Variants in ASTN2 observed in about 807,000 individuals in gnomAD.
ASTN2 encodes the protein astrotactin-2.
ASTN2 carries 54 observed loss-of-function variants against 139.8 expected under a neutral mutation model. That is an observed-to-expected ratio of 0.39 (90% CI 0.31 to 0.48). The LOEUF is 0.48. Ranked by LOEUF, ASTN2 falls within the 20% of genes least tolerant of loss-of-function variation. ASTN2 has a pLI of 0.95. For synonymous variants in ASTN2, 756 were observed against 719.5 expected (o/e 1.05, Z -0.81); for missense variants, 1,565 against 1,725.1 (o/e 0.91, Z 1.64).
intron 19 of ASTN2, among the ~76,000 whole-genome samples, chr9:116,505,033 A>G (rs142049887): frequency 1.8e-3 from 272 of 152,158 alleles, no homozygotes; most frequent in African/African-American, 6.3e-3. Context: ...AAATTGCGCA[A>G]CTGAGATTTG....
Position 116,707,285 on chromosome 9 carries a change from C to CAAAAAAA in ASTN2, c.2806+18479_2806+18485dup, listed in dbSNP as rs766053427. Among the ~76,000 whole-genome samples the CAAAAAAA allele has an allele frequency of 2.0e-4, 12 of 60,626 alleles. 2 individuals are homozygous for CAAAAAAA. Among genetic ancestry groups the CAAAAAAA allele is most frequent in the African/African-American group, 3.2e-4 (5 of 15,688 alleles). The allele number at this position is 60,626 out of a possible 152,430, so 39.8% of individuals were successfully genotyped here. The stretch of plus-strand genomic sequence containing the variant: ...GCCCTATGCCACTATGCCCCCTGAC[C>CAAAAAAA]AAAAAAAAAAAAAAAAAAAAAAAAA... On this transcript the variant is annotated intron_variant, in intron 16 of 22. Transcript: ENST00000313400.
At chr9:116,724,531 G>A (rs1397454235) in intron 16 of ASTN2, among the ~76,000 whole-genome samples, 2 of 152,204 alleles carry the variant, frequency 1.3e-5, no homozygotes, top group African/African-American at 4.8e-5. Context: ...TAGACAGGAG[G>A]TGTAGAGCAC....
intron 11 of ASTN2, among the ~76,000 whole-genome samples, chr9:116,848,022 T>C (rs1832491517): frequency 6.6e-6 from 1 of 152,148 alleles, no homozygotes; most frequent in Non-Finnish European, 1.5e-5. Context: ...CTCTCTCTGT[T>C]CCCAAGGCAG....
In ASTN2 at chr9:116,699,252, G is replaced by C; in HGVS notation, c.2806+26519C>G. On this transcript the variant is annotated intron_variant, in intron 16 of 22. Coordinates refer to ENST00000313400, the MANE Select transcript of ASTN2 (RefSeq NM_001365068.1). This position sits in a 1 kb window ranked among gnomAD's most constrained non-coding sequence, Gnocchi z 4.2. ...TTTCACAGTTGATCGAGGATCAGGG[G>C]TGGTCAAATACAGCTGCCTATGTAG... is the stretch of plus-strand genomic sequence containing the variant. 8 of 1,614,246 alleles carry C rather than the reference G, an allele frequency of 5.0e-6. No individual in the cohort carries two copies. The highest frequency in any genetic ancestry group is 6.8e-6 in the Non-Finnish European group (8 of 1,180,056).
intron 10 of ASTN2, among the ~76,000 whole-genome samples, chr9:116,963,044 C>T (rs548559417): frequency 6.6e-6 from 1 of 152,292 alleles, no homozygotes; most frequent in East Asian, 1.9e-4. Context: ...ACTCCAGGAA[C>T]ACATAGACTA....
intron 10 of ASTN2, among the ~76,000 whole-genome samples, chr9:116,866,007 C>T (rs568847600): frequency 1.2e-4 from 18 of 152,240 alleles, no homozygotes; most frequent in African/African-American, 3.6e-4. Context: ...TTTATGTTAC[C>T]GCCTTTGTGA....
At chr9:117,323,674 T>G (rs1237075848) in intron 1 of ASTN2, among the ~76,000 whole-genome samples, 1 of 152,202 alleles carries the variant, frequency 6.6e-6, no homozygotes, top group African/African-American at 2.4e-5. Flanking sequence ...AACTCAACAA[T>G]GTTTTCAGTG....
chr9:116,608,444 T>A (rs572382745), intron 19 of ASTN2, among the ~76,000 whole-genome samples: 99 of 152,276 alleles, frequency 6.5e-4, no homozygotes, highest in African/African-American at 1.9e-3. Flanking sequence ...CCTCCCTTAG[T>A]AGTAGACAAT....
chr9:117,034,150 C>T (rs568496416), intron 6 of ASTN2, among the ~76,000 whole-genome samples: 7 of 152,180 alleles, frequency 4.6e-5, no homozygotes, highest in Admixed American at 3.3e-4. Context: ...ACCATCTCAC[C>T]TACTTCACCT....
At chr9:117,207,438 C>T (rs1432271218) in intron 3 of ASTN2, among the ~76,000 whole-genome samples, 1 of 152,124 alleles carries the variant, frequency 6.6e-6, no homozygotes, top group African/African-American at 2.4e-5. Context: ...TGGGTTGTCC[C>T]CCTCAGACAC....
chr9:116,625,433 G>GA (rs1856398369), intron 17 of ASTN2, among the ~76,000 whole-genome samples: 1 of 151,986 alleles, frequency 6.6e-6, no homozygotes, highest in Non-Finnish European at 1.5e-5. Context: ...CTCCATCTTG[G>GA]AAAAAATAAA....
rs114395614 is a variant in ASTN2 at position 116,824,864 on chromosome 9, C to T, written c.2041-4081G>A. The stretch of plus-strand genomic sequence containing the variant: ...ATAAATATACACATCTATCAGAGAA[C>T]GTTAGTTATAGAACAAACATAAAAA... On this transcript the variant is annotated intron_variant, in intron 11 of 22. Coordinates refer to ENST00000313400, the MANE Select transcript of ASTN2 (RefSeq NM_001365068.1). Among the ~76,000 whole-genome samples the T allele has an allele frequency of 4.3e-3, 658 of 152,156 alleles. 2 individuals carry two copies. The highest frequency in any genetic ancestry group is 0.015 in the African/African-American group (617 of 41,508).
chr9:117,324,452 A>AGAGAAGAGT (rs2130837178), intron 1 of ASTN2, among the ~76,000 whole-genome samples: 1 of 152,292 alleles, frequency 6.6e-6, no homozygotes, highest in East Asian at 1.9e-4. Flanking sequence ...GCAGCAGGAG[A>AGAGAAGAGT]GAGAAGAGTG....
At chr9:116,687,464 T>A (rs1218348753) in intron 16 of ASTN2, 2 of 153,170 alleles carry the variant, frequency 1.3e-5, no homozygotes, top group Non-Finnish European at 2.5e-5. Context: ...CGGGGGAACG[T>A]GCCGGCGTGC....
chr9:116,900,113 C>A (rs577064565), intron 10 of ASTN2, among the ~76,000 whole-genome samples: 115 of 152,326 alleles, frequency 7.5e-4, no homozygotes, highest in Non-Finnish European at 1.4e-3. Context: ...TCTCCTATCA[C>A]TTAACTGAAT....
chr9:117,042,661 T>C (rs999919106), intron 5 of ASTN2, among the ~76,000 whole-genome samples: 3 of 151,902 alleles, frequency 2.0e-5, no homozygotes, highest in African/African-American at 7.2e-5. Context: ...AGATAAAATA[T>C]GTATAGTATA....
intron 4 of ASTN2, among the ~76,000 whole-genome samples, chr9:117,119,423 C>G (rs1342462784): frequency 1.3e-5 from 2 of 152,144 alleles, no homozygotes; most frequent in Non-Finnish European, 2.9e-5. Context: ...GACAAGGAGG[C>G]CCCTATCATG....
intron 10 of ASTN2, among the ~76,000 whole-genome samples, chr9:116,931,413 G>A (rs991413811): frequency 6.6e-6 from 1 of 152,160 alleles, no homozygotes; most frequent in African/African-American, 2.4e-5. Context: ...AAGACATGAA[G>A]GCAGACCCCT....
rs9299250 is a variant in ASTN2 at position 117,271,222 on chromosome 9, G to A, written c.630+20104C>T. 3.8e-3 allele frequency among the ~76,000 whole-genome samples: 577 copies of A among 152,226 alleles called. 5 individuals are homozygous for A. Among genetic ancestry groups the A allele is most frequent in the African/African-American group, 0.013 (541 of 41,520 alleles). Reference sequence around the variant, plus strand: ...ATGGAGGGTGAAAGGCTCTTCTTACGTGGTGGCAGCAAGAGAAAATGAGGA... The same window carrying A: ...ATGGAGGGTGAAAGGCTCTTCTTACATGGTGGCAGCAAGAGAAAATGAGGA... On this transcript the variant is annotated intron_variant, in intron 2 of 22. Coordinates refer to ENST00000313400, the MANE Select transcript of ASTN2 (RefSeq NM_001365068.1).
Sources: allele counts gnomAD v4.1 joint callset (sites outside exome capture counted in the v4.1 genomes callset), GRCh38; gene constraint gnomAD v4.1.1; non-coding constraint Gnocchi (gnomAD v3.1); transcripts MANE v1.5; gene names NCBI Gene and HGNC (gene_info 2026-07-23, HGNC 2026-07-21).